Variants in GPATCH2 observed in about 807,000 individuals in gnomAD.
GPATCH2 encodes the protein G-patch domain containing 2.
Under a neutral mutation model 58.0 loss-of-function variants are expected in GPATCH2, and 51 were observed. The observed-to-expected ratio is 0.88, with a 90% CI of 0.70 to 1.11. GPATCH2 has a LOEUF of 1.11. Ranked by LOEUF, GPATCH2 falls within the 50% of genes most tolerant of loss-of-function variation. The probability of loss-of-function intolerance (pLI) is 0.00; values close to 1 mark genes in which losing one functional copy is unlikely to be tolerated. For missense variants in GPATCH2, 625 were observed against 652.2 expected (o/e 0.96, Z 0.45); for synonymous variants, 222 against 218.5 (o/e 1.02, Z -0.14).
At chr1:217,501,721 T>C (rs1376453400) in intron 6 of GPATCH2, among the ~76,000 whole-genome samples, 6 of 152,278 alleles carry the variant, frequency 3.9e-5, no homozygotes, top group South Asian at 2.1e-4. Flanking sequence ...TGTGTGCTTA[T>C]TTGCTATTTG....
rs1459867663 is a variant in GPATCH2, at chr1:217,614,148, T to G, written c.828A>C (p.Gly276=). The G allele has an allele frequency of 1.3e-6, 2 of 1,546,602 alleles. No homozygotes were observed. Among genetic ancestry groups the G allele is most frequent in the Admixed American group, 3.3e-5 (2 of 59,854 alleles). Residue 276 remains glycine, a synonymous_variant, in exon 3 of 10, where the codon GGA becomes GGC. Transcript: ENST00000366935. ...AAAATATCATTTCAGTACCTTGTCT[T>G]CCCTCATCATTGGTAAACAATCCAG... ...TDAGLFTNDE[G]RQGDDEQSDW...
At chr1:217,435,151 T>C (rs188001322) in intron 9 of GPATCH2, among the ~76,000 whole-genome samples, 1 of 152,308 alleles carries the variant, frequency 6.6e-6, no homozygotes, top group East Asian at 1.9e-4. Context: ...ACCACAACCA[T>C]AATTTCCCTT....
chr1:217,511,892 T>C (rs1384982501), intron 6 of GPATCH2, among the ~76,000 whole-genome samples: 1 of 151,982 alleles, frequency 6.6e-6, no homozygotes, highest in East Asian at 1.9e-4. Context: ...TAAAAGAAAA[T>C]TCCCATGATG....
intron 5 of GPATCH2, among the ~76,000 whole-genome samples, chr1:217,559,855 A>G (rs1665831220): frequency 6.6e-6 from 1 of 151,760 alleles, no homozygotes; most frequent in African/African-American, 2.4e-5. Context: ...AGAGATCAAG[A>G]GACACAAAAA....
intron 5 of GPATCH2, among the ~76,000 whole-genome samples, chr1:217,521,476 A>T (rs1274047324): frequency 6.6e-6 from 1 of 151,884 alleles, no homozygotes; most frequent in East Asian, 1.9e-4. Flanking sequence ...AGCCAAGGAT[A>T]CTCTAGACCT....
intron 5 of GPATCH2, among the ~76,000 whole-genome samples, chr1:217,567,609 A>C (rs1254081896): frequency 1.3e-5 from 2 of 152,218 alleles, no homozygotes; most frequent in African/African-American, 2.4e-5. Context: ...GCCCATATGT[A>C]ATGGTGAGGA....
At chr1:217,563,283 G>A (rs1047254958) in intron 5 of GPATCH2, among the ~76,000 whole-genome samples, 4 of 151,886 alleles carry the variant, frequency 2.6e-5, no homozygotes, top group African/African-American at 9.7e-5. Flanking sequence ...ATATATTCAG[G>A]AACCTTAAAA....
rs571863850 is a variant in GPATCH2 at position 217,454,372 on chromosome 1, G to A, written c.1278-5035C>T. 9.9e-5 allele frequency among the ~76,000 whole-genome samples: 15 copies of A among 152,002 alleles called. No homozygotes were observed. In the South Asian group the frequency reaches 1.0e-3, roughly 11 times the overall value. ...TGGGAGGCTGAGGTGGGCGGATCAC[G>A]AGGTCTGGAAATCGAGACCATCCTG... On this transcript the variant is annotated intron_variant, in intron 8 of 9. Transcript: ENST00000366935.
chr1:217,539,751 CGA>C (rs1664643557), intron 5 of GPATCH2, among the ~76,000 whole-genome samples: 1 of 152,108 alleles, frequency 6.6e-6, no homozygotes, highest in South Asian at 2.1e-4. Flanking sequence ...AAAATCTTAA[CGA>C]TCACAGCCTT....
intron 5 of GPATCH2, among the ~76,000 whole-genome samples, chr1:217,597,948 G>A (rs1667925125): frequency 6.6e-6 from 1 of 152,138 alleles, no homozygotes; most frequent in African/African-American, 2.4e-5. Context: ...GCTGTCAACT[G>A]GGACTGTATA....
chr1:217,454,111 C>T lies in GPATCH2; in HGVS notation c.1278-4774G>A, dbSNP rs776941805. ...GGGAAACCCAGCCCCATGTGAACTT[C>T]CTTTTCTAGATCCAAATTACCCTCC... On this transcript the variant is annotated intron_variant, in intron 8 of 9. Transcript: ENST00000366935. Among the ~76,000 whole-genome samples the T allele has an allele frequency of 1.1e-3, 175 of 152,240 alleles. 1 individual carries two copies. The highest frequency in any genetic ancestry group is 3.7e-4 in the Non-Finnish European group (25 of 68,018).
intron 9 of GPATCH2, among the ~76,000 whole-genome samples, chr1:217,436,919 T>G (rs1405079681): frequency 2.0e-5 from 3 of 152,160 alleles, no homozygotes; most frequent in African/African-American, 7.2e-5. Flanking sequence ...CAACATTTTC[T>G]GATGCATGGG....
chr1:217,620,152 T>C lies in GPATCH2; in HGVS notation c.404A>G (p.Asn135Ser), dbSNP rs184139648. 42 of 1,614,140 alleles carry C rather than the reference T, an allele frequency of 2.6e-5. No individual in the cohort carries two copies. In the Admixed American group the frequency reaches 6.7e-4, roughly 26 times the overall value. ...KRRPSSNLNN[N>S]VRGKRPLWHE... The stretch of plus-strand genomic sequence containing the variant: ...CCATAGAGGTCTTTTCCCTCGAACA[T>C]TATTATTTAAGTTTGATGACGGCCT... The change falls in exon 2 of 10, where the codon AAT becomes AGT. Residue 135 changes from asparagine (N) to serine (S), a missense_variant. Asn to Ser is a conservative substitution (Grantham distance 46, BLOSUM62 1). Coordinates refer to ENST00000366935, the MANE Select transcript of GPATCH2 (RefSeq NM_018040.5).
chr1:217,507,914 G>A (rs1289242514), intron 6 of GPATCH2, among the ~76,000 whole-genome samples: 1 of 152,010 alleles, frequency 6.6e-6, no homozygotes. Flanking sequence ...CTACTTGAGA[G>A]AGGTAGTAAA....
chr1:217,576,468 T>C (rs1229700030), intron 5 of GPATCH2, among the ~76,000 whole-genome samples: 2 of 152,198 alleles, frequency 1.3e-5, no homozygotes, highest in Non-Finnish European at 2.9e-5. Context: ...AACACACGTA[T>C]ATTACTATGC....
chr1:217,608,601 A>C, intron 5 of GPATCH2: 1 of 985,334 alleles, frequency 1.0e-6, no homozygotes, highest in Non-Finnish European at 1.2e-6. Context: ...CAAAAATAAA[A>C]ATAGGTAAAA....
chr1:217,594,203 CAT>C (rs1220012376), intron 5 of GPATCH2, among the ~76,000 whole-genome samples: 1 of 152,046 alleles, frequency 6.6e-6, no homozygotes, highest in Admixed American at 6.6e-5. Flanking sequence ...TTTTTTCACA[CAT>C]GTGAGGCACG....
chr1:217,541,111 T>G (rs1338194605), intron 5 of GPATCH2, among the ~76,000 whole-genome samples: 1 of 152,216 alleles, frequency 6.6e-6, no homozygotes, highest in Non-Finnish European at 1.5e-5. Context: ...TTAAGTTCTT[T>G]CATCGGTAGG....
chr1:217,558,980 C>A (rs1212088100), intron 5 of GPATCH2, among the ~76,000 whole-genome samples: 5 of 151,940 alleles, frequency 3.3e-5, no homozygotes, highest in Non-Finnish European at 7.4e-5. Context: ...CCCTTCAGGC[C>A]CCCATTATCA....
Sources: allele counts gnomAD v4.1 joint callset (sites outside exome capture counted in the v4.1 genomes callset), GRCh38; gene constraint gnomAD v4.1.1; transcripts MANE v1.5; gene names NCBI Gene and HGNC (gene_info 2026-07-23, HGNC 2026-07-21).